Variants in CHODL observed in about 807,000 individuals in gnomAD.
CHODL encodes transmembrane protein MT75.
Under a neutral mutation model 34.5 loss-of-function variants are expected in CHODL, and 29 were observed. That is an observed-to-expected ratio of 0.84 (90% CI 0.63 to 1.15). The LOEUF is 1.15. Among genes scored for constraint, CHODL ranks in the 50% most tolerant of loss-of-function variants. The pLI is 0.00. For synonymous variants in CHODL, 125 were observed against 116.1 expected (o/e 1.08, Z -0.49); for missense variants, 332 against 332.5 (o/e 1.00, Z 0.01).
chr21:18,111,443 C>T (rs1016741423), intron 2 of CHODL, among the ~76,000 whole-genome samples: 11 of 152,186 alleles, frequency 7.2e-5, no homozygotes, highest in Non-Finnish European at 1.5e-5. Context: ...GGGGATGGGA[C>T]TCTACTAGTA....
chr21:18,167,060 CA>C (rs2073162496), intron 2 of CHODL, among the ~76,000 whole-genome samples: 1 of 151,972 alleles, frequency 6.6e-6, no homozygotes, highest in Non-Finnish European at 1.5e-5. Context: ...TTTTCTATTT[CA>C]GAGTCAGTTT....
At chr21:18,109,865 G>A (rs552717223) in intron 2 of CHODL, among the ~76,000 whole-genome samples, 47 of 152,282 alleles carry the variant, frequency 3.1e-4, no homozygotes, top group Non-Finnish European at 5.3e-4. Context: ...AAAAAGGTTA[G>A]AGGAATAGAA....
At chr21:18,180,806 A>G (rs2146675966) in intron 2 of CHODL, among the ~76,000 whole-genome samples, 1 of 152,300 alleles carries the variant, frequency 6.6e-6, no homozygotes, top group East Asian at 1.9e-4. Context: ...ATCAGCTAGA[A>G]TTACCTTCAT....
At chr21:18,043,467 A>G (rs1325879486) in intron 2 of CHODL, among the ~76,000 whole-genome samples, 1 of 151,976 alleles carries the variant, frequency 6.6e-6, no homozygotes, top group African/African-American at 2.4e-5. Context: ...CCATGAACAC[A>G]GAATTCCAGT....
chr21:18,089,258 C>T (rs190637200), intron 2 of CHODL, among the ~76,000 whole-genome samples: 9 of 152,212 alleles, frequency 5.9e-5, no homozygotes, highest in Admixed American at 2.0e-4. Context: ...CTCTAGCTAT[C>T]CTGCCTCTTC....
chr21:18,136,339 T>C (rs2072727817), intron 2 of CHODL, among the ~76,000 whole-genome samples: 1 of 152,108 alleles, frequency 6.6e-6, no homozygotes, highest in Non-Finnish European at 1.5e-5. Flanking sequence ...TTCTGGGCAG[T>C]CTCATGTTTT....
Position 17,969,099 on chromosome 21 carries a change from T to C in CHODL, c.-145+51699T>C, listed in dbSNP as rs573582034. Among the ~76,000 whole-genome samples the C allele has an allele frequency of 8.5e-5, 13 of 152,332 alleles. No homozygotes were observed. The South Asian group carries it at 2.7e-3, about 32-fold the overall frequency. Reference sequence around the variant, plus strand: ...CTGTTGCTCACCTGAATTCTTCCAATTTATTAGTTGAGAGCATAAATAAGT... The same window carrying C: ...CTGTTGCTCACCTGAATTCTTCCAACTTATTAGTTGAGAGCATAAATAAGT... On this transcript the variant is annotated intron_variant, in intron 1 of 6. Transcript: ENST00000400127.
At chr21:18,012,663 C>A (rs1221634304) in intron 1 of CHODL, among the ~76,000 whole-genome samples, 1 of 152,176 alleles carries the variant, frequency 6.6e-6, no homozygotes, top group Non-Finnish European at 1.5e-5. Flanking sequence ...ACTCTCTCTT[C>A]TTACAAAATA....
At position 18,167,234 on chromosome 21, in the gene CHODL, T is replaced by G. The variant is rs549989757; in HGVS notation, c.-44-89275T>G. ...CTCTGTGTGTGTGTGTGTGTGTGTG[T>G]GTGTGTGTGTGTGTGTGTGTGTATT... is the stretch of plus-strand genomic sequence containing the variant. On this transcript the variant is annotated intron_variant, in intron 2 of 6. Transcript: ENST00000400127. Among the ~76,000 whole-genome samples the G allele has an allele frequency of 2.5e-3, 373 of 150,358 alleles. 3 individuals are homozygous for G. Among genetic ancestry groups the G allele is most frequent in the African/African-American group, 8.1e-3 (330 of 40,710 alleles).
At chr21:17,926,988 ACACACG>A (rs1340052672) in intron 1 of CHODL, among the ~76,000 whole-genome samples, 1 of 151,072 alleles carries the variant, frequency 6.6e-6, no homozygotes, top group Non-Finnish European at 1.5e-5. Flanking sequence ...ACACACACAC[ACACACG>A]CACACACACA....
chr21:18,168,538 C>T (rs1388573698), intron 2 of CHODL, among the ~76,000 whole-genome samples: 1 of 152,114 alleles, frequency 6.6e-6, no homozygotes, highest in African/African-American at 2.4e-5. Flanking sequence ...TATTAGACAT[C>T]TTATCTTGTG....
At chr21:18,015,742 A>C (rs2146418911) in intron 1 of CHODL, among the ~76,000 whole-genome samples, 1 of 152,320 alleles carries the variant, frequency 6.6e-6, no homozygotes, top group South Asian at 2.1e-4. Context: ...TAAGGAAGTT[A>C]CTGGGAACTG....
At chr21:18,007,251 C>T (rs1198468950) in intron 1 of CHODL, among the ~76,000 whole-genome samples, 1 of 152,180 alleles carries the variant, frequency 6.6e-6, no homozygotes, top group African/African-American at 2.4e-5. Context: ...TAGAGGTGGG[C>T]ACAGGATTTG....
chr21:18,076,350 G>T (rs1332814021), intron 2 of CHODL, among the ~76,000 whole-genome samples: 2 of 152,104 alleles, frequency 1.3e-5, no homozygotes, highest in Non-Finnish European at 2.9e-5. Context: ...GTTGTGAAGT[G>T]GCAAAAAACT....
At chr21:18,205,148 C>T (rs2073698056) in intron 2 of CHODL, among the ~76,000 whole-genome samples, 1 of 152,124 alleles carries the variant, frequency 6.6e-6, no homozygotes, top group South Asian at 2.1e-4. Flanking sequence ...TGAAAGTGGG[C>T]CTCCTTGTGG....
chr21:18,002,814 T>C (rs158076), intron 1 of CHODL, among the ~76,000 whole-genome samples: 2,442 of 152,238 alleles, frequency 0.016, 65 homozygotes, highest in African/African-American at 0.055. Context: ...GGATACACTC[T>C]TCACCTGGGG....
At chr21:17,951,107 CGTGT>C (rs3073722) in intron 1 of CHODL, among the ~76,000 whole-genome samples, 36,295 of 148,992 alleles carry the variant, frequency 0.24, 4,751 homozygotes, top group East Asian at 0.62. Flanking sequence ...TTACTCTATA[CGTGT>C]GTGTGTGTGT....
At chr21:18,229,635 G>A (rs1195433748) in intron 2 of CHODL, among the ~76,000 whole-genome samples, 1 of 152,122 alleles carries the variant, frequency 6.6e-6, no homozygotes, top group Non-Finnish European at 1.5e-5. Context: ...CAGTGTTAGG[G>A]TGGGGGAGAA....
intron 1 of CHODL, among the ~76,000 whole-genome samples, chr21:18,018,085 T>C (rs1335219335): frequency 6.6e-6 from 1 of 152,232 alleles, no homozygotes; most frequent in African/African-American, 2.4e-5. Flanking sequence ...GCAGTGCCTG[T>C]ACCCACACTG....
Sources: gnomAD v4.1 joint callset for allele counts (sites outside exome capture counted in the v4.1 genomes callset) on GRCh38, gnomAD v4.1.1 for gene constraint, MANE v1.5 for transcripts, NCBI Gene and HGNC (gene_info 2026-07-23, HGNC 2026-07-21) for gene names.